Variants in PTK7 observed in about 807,000 individuals in gnomAD.
PTK7 encodes the protein inactive tyrosine-protein kinase 7.
Under a neutral mutation model 116.6 loss-of-function variants are expected in PTK7, and 39 were observed. The ratio of observed to expected loss-of-function variants is 0.33; its 90% confidence interval spans 0.26 to 0.44. The LOEUF (loss-of-function observed/expected upper bound fraction) is 0.44. Among genes scored for constraint, PTK7 ranks in the 20% least tolerant of loss-of-function variants. The pLI is 1.00. For missense variants in PTK7, 1,169 were observed against 1,425.6 expected (o/e 0.82, Z 2.90); for synonymous variants, 546 against 563.6 (o/e 0.97, Z 0.44).
At chr6:43,120,928 A>T (rs1768919298) in intron 1 of PTK7, among the ~76,000 whole-genome samples, 1 of 152,124 alleles carries the variant, frequency 6.6e-6, no homozygotes, top group South Asian at 2.1e-4. Flanking sequence ...ACAGCCAATA[A>T]AGGGTCACTA....
At chr6:43,097,687 A>G (rs371072044) in intron 1 of PTK7, among the ~76,000 whole-genome samples, 5 of 152,318 alleles carry the variant, frequency 3.3e-5, no homozygotes, top group East Asian at 3.9e-4. Context: ...CCCCACCTCC[A>G]TGATTACTAA....
chr6:43,136,029 A>C (rs1293029095), intron 7 of PTK7, among the ~76,000 whole-genome samples: 1 of 152,250 alleles, frequency 6.6e-6, no homozygotes, highest in African/African-American at 2.4e-5. Flanking sequence ...CTCTACTAAA[A>C]ATACAAAAAT....
intron 7 of PTK7, among the ~76,000 whole-genome samples, chr6:43,136,346 A>C (rs969921706): frequency 1.3e-5 from 2 of 151,984 alleles, no homozygotes; most frequent in African/African-American, 4.8e-5. Context: ...AAAAAAAAAA[A>C]AACCAAACCG....
At chr6:43,137,581 G>A (rs1353101676) in intron 7 of PTK7, among the ~76,000 whole-genome samples, 1 of 152,194 alleles carries the variant, frequency 6.6e-6, no homozygotes, top group Non-Finnish European at 1.5e-5. Flanking sequence ...TAGGAATCAG[G>A]ATGTAGTTTT....
Position 43,145,225 on chromosome 6 carries a change from C to A in PTK7, c.2433C>A (p.Phe811Leu). The A allele has an allele frequency of 6.2e-7, 1 of 1,611,390 alleles. No individual in the cohort carries two copies. Among genetic ancestry groups the A allele is most frequent in the South Asian group, 1.1e-5 (1 of 90,764 alleles). Residue 811 changes from phenylalanine to leucine, a missense_variant, in exon 16 of 20, where the codon TTC becomes TTA. Physicochemically the swap from Phe to Leu is conservative, Grantham distance 22. This residue lies in a region of PTK7 where 678 missense variants were observed against 853.8 expected (regional missense o/e 0.79). Transcript: ENST00000230419. This position sits in a 1 kb window ranked among gnomAD's most constrained non-coding sequence, Gnocchi z 4.8. ...TLGKSEFGEV[F>L]LAKAQGLEEG... ...GGAAGAGTGAGTTTGGGGAGGTGTT[C>A]CTGGCAAAGGCTCAGGGCTTGGAGG...
At chr6:43,101,558 A>G (rs893352159) in intron 1 of PTK7, among the ~76,000 whole-genome samples, 3 of 152,034 alleles carry the variant, frequency 2.0e-5, no homozygotes, top group Non-Finnish European at 2.9e-5. Flanking sequence ...TCTCAAAAAA[A>G]AAAATAAAAA....
chr6:43,096,696 T>G, intron 1 of PTK7, among the ~76,000 whole-genome samples: 1 of 152,124 alleles, frequency 6.6e-6, no homozygotes. Context: ...TGTGCAGGGG[T>G]CTGCCTGGGC....
At chr6:43,096,198 A>G (rs975373786) in intron 1 of PTK7, among the ~76,000 whole-genome samples, 2 of 152,136 alleles carry the variant, frequency 1.3e-5, no homozygotes, top group Admixed American at 6.5e-5. Flanking sequence ...AGAGGTGTTG[A>G]TCAGGCTGAC....
chr6:43,143,308 CG>C lies in PTK7; in HGVS notation c.2048-106del. ...AAGCCAGTGAAGGTGGTGACCCTCC[CG>C]GGCCATCTGTTAAGTTGCCCTGTTG... On this transcript the variant is annotated intron_variant, in intron 13 of 19. Coordinates refer to ENST00000230419, the MANE Select transcript of PTK7 (RefSeq NM_002821.5). The surrounding 1 kb of genome is among the most constrained non-coding windows in gnomAD (Gnocchi z 4.2). 9.1e-7 allele frequency: 1 copy of C among 1,104,212 alleles called. No homozygotes were observed. Among genetic ancestry groups the C allele is most frequent in the Non-Finnish European group, 1.3e-6 (1 of 764,808 alleles). 68.4% of individuals were successfully genotyped at this position (1,104,212 alleles called of 1,614,324 possible). A position where few individuals can be genotyped will look rare whatever the true frequency, so the allele number is the denominator to read the frequency against.
intron 1 of PTK7, among the ~76,000 whole-genome samples, chr6:43,127,152 G>A (rs1445808081): frequency 6.6e-6 from 1 of 152,260 alleles, no homozygotes; most frequent in African/African-American, 2.4e-5. Context: ...AGTGGTTTGG[G>A]AAGGGATGGA....
Position 43,142,233 on chromosome 6 carries a change from C to A in PTK7, c.1981C>A (p.Arg661Ser), listed in dbSNP as rs202082141. ...IHDVAPEDSG[R>S]YTCIAGNSCN... ...TGACGTGGCCCCTGAGGACTCAGGC[C>A]GCTACACCTGCATTGCAGGCAACAG... is the stretch of plus-strand genomic sequence containing the variant. The change falls in exon 13 of 20, where the codon CGC (arginine) becomes AGC (serine). Residue 661 changes from arginine (R) to serine (S), a missense_variant. Arg to Ser is a moderately radical substitution (Grantham distance 110). This residue lies in a region of PTK7 where 678 missense variants were observed against 853.8 expected (regional missense o/e 0.79). Coordinates refer to ENST00000230419, the MANE Select transcript of PTK7 (RefSeq NM_002821.5). 5.6e-6 allele frequency: 9 copies of A among 1,614,094 alleles called. No homozygotes were observed. The highest frequency in any genetic ancestry group is 1.7e-5 in the Admixed American group (1 of 60,018).
At position 43,143,390 on chromosome 6, in the gene PTK7, G is replaced by A; in HGVS notation, c.2048-27G>A. 6.2e-7 allele frequency: 1 copy of A among 1,610,128 alleles called. No individual in the cohort carries two copies. ...GGGCTTCTTTTGCTTAGCAGCCCCTGCCCAGACCCATCTGTGTGTCTCTCA... is the reference window on the plus strand; with the variant it reads ...GGGCTTCTTTTGCTTAGCAGCCCCTACCCAGACCCATCTGTGTGTCTCTCA... On this transcript the variant is annotated intron_variant, in intron 13 of 19. Transcript: ENST00000230419. The surrounding 1 kb of genome is among the most constrained non-coding windows in gnomAD (Gnocchi z 4.2).
At chr6:43,133,905 C>T (rs1561969665) in intron 7 of PTK7, among the ~76,000 whole-genome samples, 2 of 152,196 alleles carry the variant, frequency 1.3e-5, no homozygotes, top group Non-Finnish European at 2.9e-5. Context: ...ATACTCAGGC[C>T]GTGATTTGGG....
chr6:43,114,690 C>T (rs1768394012), intron 1 of PTK7, among the ~76,000 whole-genome samples: 3 of 152,136 alleles, frequency 2.0e-5, no homozygotes, highest in Admixed American at 2.0e-4. Flanking sequence ...TCTCAGCCGT[C>T]CGCGTGTGCT....
intron 17 of PTK7, among the ~76,000 whole-genome samples, chr6:43,157,392 T>A: frequency 8.1e-6 from 1 of 122,862 alleles, no homozygotes; most frequent in East Asian, 2.4e-4. Flanking sequence ...TTTTTTTTTT[T>A]TTTAATAGAG....
intron 13 of PTK7, chr6:43,142,967 C>T: frequency 5.8e-6 from 1 of 172,742 alleles, no homozygotes; most frequent in Non-Finnish European, 1.2e-5. Context: ...TCAGTGTGGG[C>T]CATTAAAAGG....
chr6:43,118,651 C>A (rs867391689), intron 1 of PTK7, among the ~76,000 whole-genome samples: 97 of 82,660 alleles, frequency 1.2e-3, no homozygotes, highest in African/African-American at 5.7e-3. Flanking sequence ...CTCTCTCTCT[C>A]TCTCTCTCTA....
intron 1 of PTK7, among the ~76,000 whole-genome samples, chr6:43,101,915 G>T (rs1767603225): frequency 6.6e-6 from 1 of 152,214 alleles, no homozygotes; most frequent in Non-Finnish European, 1.5e-5. Flanking sequence ...GTCAGAGGTG[G>T]CTGGGCGTGG....
chr6:43,130,611 G>C lies in PTK7; in HGVS notation c.762G>C (p.Pro254=), dbSNP rs144714245. The stretch of plus-strand genomic sequence containing the variant: ...GCCAGTTCTCAGCCCAGCCACCCCC[G>C]AGCCTGCAGTGGCTCTTTGAGGATG... The part of the protein sequence containing the change: ...FHCQFSAQPP[P]SLQWLFEDET... The change falls in exon 5 of 20, where the codon CCG becomes CCC. Residue 254 remains proline (P), a synonymous_variant. Transcript: ENST00000230419. The C allele has an allele frequency of 5.6e-6, 9 of 1,614,210 alleles. No individual in the cohort carries two copies. In the South Asian group the frequency reaches 9.9e-5, roughly 18 times the overall value.
Sources: gnomAD v4.1 joint callset for allele counts (sites outside exome capture counted in the v4.1 genomes callset) on GRCh38, gnomAD v4.1.1 for gene constraint, gnomAD v4.1.1 regional missense constraint, Gnocchi (gnomAD v3.1) non-coding constraint, MANE v1.5 for transcripts, NCBI Gene and HGNC (gene_info 2026-07-23, HGNC 2026-07-21) for gene names.